Variants in PTGER3 observed in about 807,000 individuals in gnomAD.
The protein encoded by PTGER3 is prostaglandin E receptor 3.
Under a neutral mutation model 34.7 loss-of-function variants are expected in PTGER3, and 22 were observed. That is an observed-to-expected ratio of 0.63 (90% CI 0.45 to 0.91). PTGER3 has a LOEUF of 0.91. Ranked by LOEUF, PTGER3 falls within the 40% of genes least tolerant of loss-of-function variation. The pLI is 0.00. For synonymous variants in PTGER3, 241 were observed against 230.1 expected (o/e 1.05, Z -0.43); for missense variants, 468 against 519.4 (o/e 0.90, Z 0.96).
intron 2 of PTGER3, among the ~76,000 whole-genome samples, chr1:70,996,801 C>G (rs1266539386): frequency 6.6e-6 from 1 of 152,012 alleles, no homozygotes; most frequent in African/African-American, 2.4e-5. Context: ...GTAGGTGGGA[C>G]TACAGGCGCC....
chr1:71,010,062 C>A, intron 2 of PTGER3: 1 of 985,112 alleles, frequency 1.0e-6, no homozygotes, highest in Non-Finnish European at 1.2e-6. Flanking sequence ...ACAAAAGCTG[C>A]CATTCATCCC....
chr1:71,010,321 C>T, intron 2 of PTGER3: 1 of 984,626 alleles, frequency 1.0e-6, no homozygotes, highest in Non-Finnish European at 1.2e-6. Flanking sequence ...AGAAATAATT[C>T]ACTTTATCAG....
At chr1:70,996,712 G>A (rs1185297720) in intron 2 of PTGER3, among the ~76,000 whole-genome samples, 1 of 147,468 alleles carries the variant, frequency 6.8e-6, no homozygotes, top group African/African-American at 2.5e-5. Flanking sequence ...CGCGCAGGCT[G>A]GAGTGCAGTG....
intron 1 of PTGER3, among the ~76,000 whole-genome samples, chr1:71,017,195 T>TA (rs1190747322): frequency 2.0e-5 from 3 of 152,172 alleles, no homozygotes; most frequent in South Asian, 2.1e-4. Context: ...ACAAGTGTCC[T>TA]AAAAAATCAG....
intron 4 of PTGER3, chr1:70,862,299 A>G: frequency 7.5e-7 from 1 of 1,338,372 alleles, no homozygotes; most frequent in Non-Finnish European, 1.0e-6. Context: ...GGAGATCATG[A>G]CTTACATCTG....
chr1:71,002,482 A>G (rs979891228), intron 2 of PTGER3, among the ~76,000 whole-genome samples: 1 of 152,232 alleles, frequency 6.6e-6, no homozygotes, highest in African/African-American at 2.4e-5. Flanking sequence ...GCATTTTTGT[A>G]AAATGACTGT....
At chr1:70,869,425 G>A in intron 4 of PTGER3, 1 of 368,638 alleles carries the variant, frequency 2.7e-6, no homozygotes, top group Non-Finnish European at 5.4e-6. Context: ...TCCTTCTCAT[G>A]CTGCGAAATA....
At chr1:70,955,593 CT>C (rs1651238335) in intron 2 of PTGER3, among the ~76,000 whole-genome samples, 1 of 152,240 alleles carries the variant, frequency 6.6e-6, no homozygotes, top group African/African-American at 2.4e-5. Context: ...CATGTTCCTT[CT>C]CTGCATGATC....
chr1:70,881,296 T>C (rs1285095489), intron 4 of PTGER3, among the ~76,000 whole-genome samples: 1 of 152,160 alleles, frequency 6.6e-6, no homozygotes, highest in Non-Finnish European at 1.5e-5. Context: ...CATTTTATCT[T>C]TCATCTCCTG....
chr1:71,023,560 G>C (rs1317042806), intron 1 of PTGER3, among the ~76,000 whole-genome samples: 2 of 151,834 alleles, frequency 1.3e-5, no homozygotes, highest in Admixed American at 1.3e-4. Context: ...TAGTTTAGCT[G>C]CTATTGCACG....
chr1:71,012,186 C>T, intron 2 of PTGER3, 119 bp downstream of exon 2: 1 of 1,592,202 alleles, frequency 6.3e-7, no homozygotes, highest in Non-Finnish European at 8.5e-7. Flanking sequence ...TTACCAAAAG[C>T]TGTGCACATG....
At chr1:71,028,383 G>C (rs1320230489) in intron 1 of PTGER3, among the ~76,000 whole-genome samples, 3 of 152,140 alleles carry the variant, frequency 2.0e-5, no homozygotes, top group Non-Finnish European at 4.4e-5. Flanking sequence ...GGCAAACTTT[G>C]GTCCTAGATG....
At chr1:71,007,133 T>TGAG in intron 2 of PTGER3, 1 of 985,618 alleles carries the variant, frequency 1.0e-6, no homozygotes, top group Non-Finnish European at 1.2e-6. Flanking sequence ...AGATGGATGC[T>TGAG]GAGGAGGAGA....
intron 1 of PTGER3, among the ~76,000 whole-genome samples, chr1:71,026,327 C>T (rs368929321): frequency 7.2e-5 from 11 of 152,082 alleles, no homozygotes; most frequent in African/African-American, 2.7e-4. Flanking sequence ...GTATTACAAA[C>T]GGAAGCAACA....
intron 4 of PTGER3, among the ~76,000 whole-genome samples, chr1:70,865,314 A>T (rs1646017026): frequency 6.6e-6 from 1 of 152,106 alleles, no homozygotes; most frequent in Non-Finnish European, 1.5e-5. Flanking sequence ...AGACTTGCTG[A>T]TTGGGAATAC....
At chr1:71,026,896 A>G (rs1007146814) in intron 1 of PTGER3, among the ~76,000 whole-genome samples, 42 of 152,246 alleles carry the variant, frequency 2.8e-4, no homozygotes, top group African/African-American at 9.9e-4. Context: ...GGAAGCAAAC[A>G]TGAGGAAGAA....
At position 70,970,952 on chromosome 1, in the gene PTGER3, C is replaced by T. The variant is rs1653015521; in HGVS notation, c.*778G>A. On this transcript the variant is annotated 3_prime_UTR_variant, in exon 4 of 4. Transcript: ENST00000306666. The stretch of plus-strand genomic sequence containing the variant: ...AAATCCTGACTTGGTCATGGTGAAT[C>T]AGAAGGCCTACCTGGATTTTTTTAT... 1.0e-6 allele frequency: 1 copy of T among 985,262 alleles called. No homozygotes were observed. Among genetic ancestry groups the T allele is most frequent in the African/African-American group, 1.7e-5 (1 of 57,208 alleles). The allele number at this position is 985,262 out of a possible 1,614,324, so 61.0% of individuals were successfully genotyped here.
intron 4 of PTGER3, among the ~76,000 whole-genome samples, chr1:70,884,696 T>G (rs1393564103): frequency 6.6e-6 from 1 of 152,172 alleles, no homozygotes; most frequent in Non-Finnish European, 1.5e-5. Context: ...AAATTTATGG[T>G]GATTTGTTAG....
At chr1:70,953,362 G>A (rs978797647) in intron 3 of PTGER3, among the ~76,000 whole-genome samples, 5 of 152,020 alleles carry the variant, frequency 3.3e-5, no homozygotes. Flanking sequence ...TCTTTAGGTT[G>A]GCATCACATA....
Sources: allele counts gnomAD v4.1 joint callset (sites outside exome capture counted in the v4.1 genomes callset), GRCh38; gene constraint gnomAD v4.1.1; transcripts MANE v1.5; gene names NCBI Gene and HGNC (gene_info 2026-07-23, HGNC 2026-07-21).